The following IFT56 variants were observed in gnomAD, a reference collection of about 807,000 sequenced individuals.
IFT56 encodes the protein intraflagellar transport 56.
chr7:139,169,791 G>A, the IFT56 span, among the ~76,000 whole-genome samples: 5 of 152,104 alleles, frequency 3.3e-5, no homozygotes, highest in Non-Finnish European at 5.9e-5. Context: ...CAGGCAGATG[G>A]CTTGAGCCCA....
the IFT56 span, among the ~76,000 whole-genome samples, chr7:139,149,944 G>A: frequency 6.6e-6 from 1 of 151,728 alleles, no homozygotes; most frequent in Admixed American, 6.6e-5. Context: ...CATAGATATA[G>A]AATAGAAAAT....
At chr7:139,172,842 T>C in the IFT56 span, 3 of 674,548 alleles carry the variant, frequency 4.4e-6, no homozygotes, top group African/African-American at 5.3e-5. Context: ...CAGCGAACAC[T>C]GTACTTCCTT....
At chr7:139,180,963 T>G in the IFT56 span, 3 of 566,978 alleles carry the variant, frequency 5.3e-6, no homozygotes, top group Non-Finnish European at 9.2e-6. Context: ...CATTGCAAGC[T>G]TTCCATGAAA....
At chr7:139,187,359 T>C in the IFT56 span, 1 of 1,601,296 alleles carries the variant, frequency 6.2e-7, no homozygotes, top group Non-Finnish European at 8.5e-7. Context: ...GTTCTTTCTG[T>C]GCAATCTCTT....
the IFT56 span, chr7:139,165,221 C>A: frequency 1.2e-6 from 2 of 1,612,600 alleles, no homozygotes; most frequent in Non-Finnish European, 1.7e-6. Context: ...TGGTGATTTA[C>A]TACCTTCGTC....
chr7:139,184,823 G>A, the IFT56 span, among the ~76,000 whole-genome samples: 63 of 150,808 alleles, frequency 4.2e-4, 1 homozygote, highest in African/African-American at 1.5e-3. Context: ...GGGAGGCTGA[G>A]GCGGGCGGAT....
At chr7:139,186,685 T>G in the IFT56 span, among the ~76,000 whole-genome samples, 1 of 152,098 alleles carries the variant, frequency 6.6e-6, no homozygotes, top group South Asian at 2.1e-4. Flanking sequence ...TAGCATAAAA[T>G]GAATGATAGT....
the IFT56 span, chr7:139,190,248 T>A: frequency 1.3e-5 from 2 of 152,236 alleles, no homozygotes; most frequent in African/African-American, 2.4e-5. Context: ...TTGTTGTTGT[T>A]GTTGTTGTTG....
chr7:139,163,755 A>T, the IFT56 span, among the ~76,000 whole-genome samples: 1 of 152,178 alleles, frequency 6.6e-6, no homozygotes, highest in Admixed American at 6.5e-5. Flanking sequence ...TAATGGAGAA[A>T]AGAGGTTCAG....
the IFT56 span, chr7:139,139,882 T>A: frequency 1.3e-6 from 2 of 1,594,568 alleles, no homozygotes; most frequent in Non-Finnish European, 1.7e-6. Flanking sequence ...GCTTACTATA[T>A]ATTTCAGGAA....
At chr7:139,138,032 A>C in the IFT56 span, 1 of 739,710 alleles carries the variant, frequency 1.4e-6, no homozygotes, top group Middle Eastern at 3.2e-4. Flanking sequence ...GGTAAAATTC[A>C]AACAATGCAG....
chr7:139,178,898 TA>T, the IFT56 span, among the ~76,000 whole-genome samples: 6,025 of 146,732 alleles, frequency 0.041, 151 homozygotes, highest in Non-Finnish European at 0.063. Context: ...CCCTGTCTCT[TA>T]AAAAAAAAAA....
At chr7:139,147,513 T>C in the IFT56 span, among the ~76,000 whole-genome samples, 1 of 152,196 alleles carries the variant, frequency 6.6e-6, no homozygotes, top group Non-Finnish European at 1.5e-5. Context: ...CCAATTGCCC[T>C]CCCATGAAAT....
the IFT56 span, chr7:139,165,171 C>T: frequency 1.9e-6 from 3 of 1,613,534 alleles, no homozygotes; most frequent in African/African-American, 1.3e-5. Context: ...GCAGGTTTTA[C>T]CTCCCCTAGT....
chr7:139,182,357 G>C, the IFT56 span, among the ~76,000 whole-genome samples: 6 of 152,078 alleles, frequency 3.9e-5, no homozygotes, highest in African/African-American at 1.4e-4. Flanking sequence ...AATACTTTAA[G>C]ACATAGGAAA....
At chr7:139,146,887 A>G in the IFT56 span, 1 of 819,082 alleles carries the variant, frequency 1.2e-6, no homozygotes. Flanking sequence ...AGAAAAGATA[A>G]GGGGAAGGGT....
chr7:139,149,829 C>T, the IFT56 span, among the ~76,000 whole-genome samples: 1 of 152,004 alleles, frequency 6.6e-6, no homozygotes, highest in East Asian at 1.9e-4. Context: ...TTTCATTTAA[C>T]ATGTTTTAAA....
the IFT56 span, chr7:139,147,322 C>T: frequency 1.9e-6 from 3 of 1,552,936 alleles, no homozygotes; most frequent in East Asian, 4.5e-5. Flanking sequence ...CTCTCCATTC[C>T]TTTCATTTTG....
the IFT56 span, among the ~76,000 whole-genome samples, chr7:139,164,482 A>G: frequency 6.6e-6 from 1 of 152,208 alleles, no homozygotes; most frequent in Non-Finnish European, 1.5e-5. Flanking sequence ...TTATGCTTTT[A>G]TTCTATTTCT....
Sources: gnomAD v4.1 joint callset for allele counts (sites outside exome capture counted in the v4.1 genomes callset) on GRCh38, gnomAD v4.1.1 for gene constraint, MANE v1.5 for transcripts, NCBI Gene and HGNC (gene_info 2026-07-23, HGNC 2026-07-21) for gene names.